The following DYNC1I1 variants were observed in gnomAD, a reference collection of about 807,000 sequenced individuals.
DYNC1I1 encodes the protein cytoplasmic dynein 1 intermediate chain 1.
In DYNC1I1, 43 loss-of-function variants were observed where a neutral mutation model predicts 86.6. The observed-to-expected ratio is 0.50, with a 90% confidence interval of 0.39 to 0.64. The LOEUF (loss-of-function observed/expected upper bound fraction) is 0.64. Ranked by LOEUF, DYNC1I1 falls within the 30% of genes least tolerant of loss-of-function variation. DYNC1I1 has a pLI of 0.00. For missense variants in DYNC1I1, 604 were observed against 788.8 expected (o/e 0.77, Z 2.81); for synonymous variants, 262 against 283.7 (o/e 0.92, Z 0.77).
rs542328173 is a variant in DYNC1I1 at position 96,104,060 on chromosome 7, G to A, written c.1543-5919G>A. Among the ~76,000 whole-genome samples the A allele has an allele frequency of 9.2e-5, 14 of 152,188 alleles. 1 individual carries two copies. Among genetic ancestry groups the A allele is most frequent in the Middle Eastern group, 6.8e-3 (2 of 294 alleles). On this transcript the variant is annotated intron_variant, in intron 16 of 16. Coordinates refer to the DYNC1I1 transcript ENST00000537881. ...TGACTAATGATTTTGAGCATGTTTC[G>A]TGTGATTATTGGCCACATTTAATAT...
chr7:95,778,654 T>A (rs1262702423), intron 1 of DYNC1I1, among the ~76,000 whole-genome samples: 2 of 140,768 alleles, frequency 1.4e-5, no homozygotes, highest in Non-Finnish European at 2.9e-5. Context: ...TTTTTAGTTT[T>A]ATTTATTTAT....
chr7:96,016,588 A>G (rs1352142518), intron 10 of DYNC1I1, among the ~76,000 whole-genome samples: 1 of 152,158 alleles, frequency 6.6e-6, no homozygotes, highest in Non-Finnish European at 1.5e-5. Flanking sequence ...AACAGCTCTG[A>G]ATCTGGTTAG....
At chr7:95,974,847 A>C (rs190941421) in intron 6 of DYNC1I1, among the ~76,000 whole-genome samples, 22 of 152,318 alleles carry the variant, frequency 1.4e-4, no homozygotes, top group Admixed American at 1.4e-3. Flanking sequence ...TGTTGAGGCC[A>C]TGCAAGTCCA....
chr7:95,870,662 A>T (rs1012985530), intron 6 of DYNC1I1, among the ~76,000 whole-genome samples: 3 of 152,268 alleles, frequency 2.0e-5, no homozygotes, highest in Non-Finnish European at 2.9e-5. Context: ...GTGAATGGAA[A>T]TTGAACTCCA....
intron 6 of DYNC1I1, among the ~76,000 whole-genome samples, chr7:95,920,666 T>C (rs890874582): frequency 6.6e-6 from 1 of 152,242 alleles, no homozygotes; most frequent in Non-Finnish European, 1.5e-5. Flanking sequence ...TATTATCATA[T>C]ACTGTTCCTA....
chr7:95,810,497 C>T lies in DYNC1I1; in HGVS notation c.214C>T (p.Pro72Ser), dbSNP rs1794804812. Residue 72 changes from proline (P) to serine (S), a missense_variant, in exon 3 of 17, where the codon CCG becomes TCG. Pro to Ser is a moderately conservative substitution (Grantham distance 74). Coordinates refer to ENST00000447467, the MANE Select transcript of DYNC1I1 (RefSeq NM_001135556.2). The part of the protein sequence containing the change: ...LLQSIGISPE[P>S]PLVPTPMSPS... ...GCAAAGCATTGGTATCTCACCGGAG[C>T]CGCCTCTAGGTACTTAAAAGTGCTT... 1 of 1,611,782 alleles carries T rather than the reference C, an allele frequency of 6.2e-7. No homozygotes were observed. The highest frequency in any genetic ancestry group is 1.1e-5 in the South Asian group (1 of 90,744).
At chr7:95,804,327 T>G (rs1028129635) in intron 1 of DYNC1I1, 3 of 1,263,594 alleles carry the variant, frequency 2.4e-6, no homozygotes, top group Non-Finnish European at 3.1e-6. Flanking sequence ...TTTCTCAGTG[T>G]GGGGATGAAT....
rs184743067 is a variant in DYNC1I1 at position 95,839,117 on chromosome 7, G to A, written c.374+11001G>A. ...GCGATCTTGGCTCACTGCAACCTCC[G>A]CCTCCCAGGTTCAAGCAATTCTCCT... On this transcript the variant is annotated intron_variant, in intron 5 of 16. Coordinates refer to ENST00000447467, the MANE Select transcript of DYNC1I1 (RefSeq NM_001135556.2). 1.0e-2 allele frequency among the ~76,000 whole-genome samples: 1,514 copies of A among 152,054 alleles called. 18 individuals carry two copies. The highest frequency in any genetic ancestry group is 0.033 in the African/African-American group (1,349 of 41,452).
chr7:96,009,635 A>G (rs1482156197), intron 10 of DYNC1I1, among the ~76,000 whole-genome samples: 1 of 152,196 alleles, frequency 6.6e-6, no homozygotes, highest in Non-Finnish European at 1.5e-5. Flanking sequence ...CCTTTTGCAA[A>G]TAGAGCTCTG....
At chr7:96,076,005 G>T (rs903635865) in intron 14 of DYNC1I1, 52 bp from the exon 15 acceptor site, 2 of 1,594,882 alleles carry the variant, frequency 1.3e-6, no homozygotes, top group Admixed American at 1.7e-5. Context: ...TCTCTAGACA[G>T]CCCGAGGCAG....
intron 1 of DYNC1I1, among the ~76,000 whole-genome samples, chr7:95,781,663 A>G (rs770283146): frequency 1.8e-4 from 28 of 152,244 alleles, no homozygotes; most frequent in Non-Finnish European, 3.4e-4. Context: ...CAAATGCTGG[A>G]AAGGCAGATC....
intron 7 of DYNC1I1, among the ~76,000 whole-genome samples, chr7:95,980,369 T>C (rs1051969436): frequency 3.3e-5 from 5 of 151,788 alleles, no homozygotes; most frequent in African/African-American, 1.2e-4. Context: ...CTAGCAGATA[T>C]AATCGTGGCG....
At chr7:96,081,079 AAAAAG>A (rs1554443890) in intron 16 of DYNC1I1, among the ~76,000 whole-genome samples, 5 of 133,686 alleles carry the variant, frequency 3.7e-5, no homozygotes, top group Non-Finnish European at 4.7e-5. Flanking sequence ...AAAAAAAAAG[AAAAAG>A]AAAAGAAAAG....
At chr7:96,053,926 G>A (rs1461219053) in intron 14 of DYNC1I1, among the ~76,000 whole-genome samples, 1 of 152,108 alleles carries the variant, frequency 6.6e-6, no homozygotes, top group Non-Finnish European at 1.5e-5. Context: ...ACTTTGTAAA[G>A]AATAGATATA....
intron 16 of DYNC1I1, among the ~76,000 whole-genome samples, chr7:96,093,047 T>A (rs1295026112): frequency 6.6e-6 from 1 of 152,160 alleles, no homozygotes; most frequent in Non-Finnish European, 1.5e-5. Flanking sequence ...ACGCCCTGCT[T>A]CTTAACATCC....
chr7:96,009,978 C>T (rs1046331170), intron 10 of DYNC1I1, among the ~76,000 whole-genome samples: 4 of 152,008 alleles, frequency 2.6e-5, no homozygotes, highest in African/African-American at 4.8e-5. Flanking sequence ...GAGGTTTCTC[C>T]ATGTTGGTCA....
At chr7:96,038,151 A>G (rs1788924390) in intron 13 of DYNC1I1, among the ~76,000 whole-genome samples, 1 of 152,162 alleles carries the variant, frequency 6.6e-6, no homozygotes, top group Non-Finnish European at 1.5e-5. Flanking sequence ...AGTGCCTGTT[A>G]CATGGAACAC....
intron 6 of DYNC1I1, among the ~76,000 whole-genome samples, chr7:95,964,052 G>T (rs1178606013): frequency 6.6e-6 from 1 of 151,992 alleles, no homozygotes; most frequent in African/African-American, 2.4e-5. Flanking sequence ...TGAAACCAGG[G>T]GAAATAATTT....
intron 5 of DYNC1I1, among the ~76,000 whole-genome samples, chr7:95,848,797 A>G (rs998124729): frequency 2.0e-5 from 3 of 152,054 alleles, no homozygotes; most frequent in Non-Finnish European, 4.4e-5. Context: ...TTTGAGTAAC[A>G]TTTATACTGT....
Sources: allele counts gnomAD v4.1 joint callset (sites outside exome capture counted in the v4.1 genomes callset), GRCh38; gene constraint gnomAD v4.1.1; transcripts MANE v1.5; gene names NCBI Gene and HGNC (gene_info 2026-07-23, HGNC 2026-07-21).